NRXN1: variants seen among roughly 807,000 people sequenced by gnomAD.
The protein encoded by NRXN1 is neurexin 1.
Under a neutral mutation model 150.9 loss-of-function variants are expected in NRXN1, and 39 were observed. The ratio of observed to expected loss-of-function variants is 0.26; its 90% CI spans 0.20 to 0.34. NRXN1 has a LOEUF of 0.34. NRXN1 is among the 10% of genes least tolerant of loss of function. The probability of loss-of-function intolerance (pLI) is 1.00; values close to 1 mark genes in which losing one functional copy is unlikely to be tolerated. For synonymous variants in NRXN1, 924 were observed against 757.0 expected, an observed-to-expected ratio of 1.22 and a Z score of -3.62; for missense variants, 1,815 against 1,949.9, an observed-to-expected ratio of 0.93 and a Z score of 1.30.
At chr2:50,429,136 T>C (rs1310621976) in intron 17 of NRXN1, among the ~76,000 whole-genome samples, 5 of 152,190 alleles carry the variant, frequency 3.3e-5, no homozygotes, top group African/African-American at 1.2e-4. Context: ...GTCATAATAA[T>C]GGGAATAATA....
At position 50,348,963 on chromosome 2, in the gene NRXN1, T is replaced by A. The variant is rs542754498; in HGVS notation, c.3365-111993A>T. On this transcript the variant is annotated intron_variant, in intron 17 of 22. Coordinates refer to ENST00000401669, the MANE Select transcript of NRXN1 (RefSeq NM_001330078.2). ...AACAAATATAAAGTCCAGTATTTTT[T>A]AAAAAATGTAATTCTGGGAAGATTT... Among the ~76,000 whole-genome samples the A allele has an allele frequency of 1.7e-3, 261 of 152,266 alleles. 3 individuals carry two copies. Among genetic ancestry groups the A allele is most frequent in the African/African-American group, 5.9e-3 (244 of 41,548 alleles).
At chr2:50,643,647 T>A (rs972972423) in intron 5 of NRXN1, among the ~76,000 whole-genome samples, 2 of 151,954 alleles carry the variant, frequency 1.3e-5, no homozygotes, top group Non-Finnish European at 2.9e-5. Context: ...CCGATACTGT[T>A]AAGTATTGTA....
intron 2 of NRXN1, among the ~76,000 whole-genome samples, chr2:50,982,553 T>C (rs1289798155): frequency 6.6e-6 from 1 of 152,068 alleles, no homozygotes. Context: ...TAGGGAGTAA[T>C]GAACAATGAT....
rs1327625261 is a variant in NRXN1, at chr2:50,538,482, A to T, written c.1914T>A (p.Tyr638Ter). 6.2e-7 allele frequency: 1 copy of T among 1,613,832 alleles called. No individual in the cohort carries two copies. Among genetic ancestry groups the T allele is most frequent in the East Asian group, 2.2e-5 (1 of 44,860 alleles). Residue 638 changes from tyrosine to a stop codon, truncating the protein, a stop_gained, in exon 10 of 23, where the codon TAT becomes TAA. Coordinates refer to ENST00000401669, the MANE Select transcript of NRXN1 (RefSeq NM_001330078.2). LOFTEE classifies it high-confidence loss of function. ...AATCCCTGATGCAGCCCACGTAGCC[A>T]TAGTTGAGCAGAGCAGTCCACACCT... The part of the protein sequence containing the change: ...PTEVWTALLN[Y>*]GYVGCIRDLF...
In NRXN1 at chr2:51,000,518, A is replaced by G. The variant is rs561745000; in HGVS notation, c.772+26984T>C. Among the ~76,000 whole-genome samples the G allele has an allele frequency of 4.8e-5, 7 of 147,354 alleles. No individual in the cohort carries two copies. The East Asian group carries it at 1.4e-3, about 30-fold the overall frequency. Reference sequence around the variant, plus strand: ...GATTATTTCATTTGATTCTTATATGAAATTGCTAATATTATTACTATTACC... The same window carrying G: ...GATTATTTCATTTGATTCTTATATGGAATTGCTAATATTATTACTATTACC... On this transcript the variant is annotated intron_variant, in intron 2 of 22. Transcript: ENST00000401669.
intron 18 of NRXN1, among the ~76,000 whole-genome samples, chr2:50,136,734 T>C (rs1157234287): frequency 1.3e-5 from 2 of 152,210 alleles, no homozygotes; most frequent in Non-Finnish European, 2.9e-5. Context: ...ACTAATACTG[T>C]TTTTACTAAC....
At chr2:49,983,120 C>T (rs1306587510) in intron 21 of NRXN1, among the ~76,000 whole-genome samples, 1 of 152,120 alleles carries the variant, frequency 6.6e-6, no homozygotes, top group East Asian at 1.9e-4. Flanking sequence ...GTCATTATTT[C>T]CATTGTGTTT....
chr2:50,412,790 A>G (rs766793776), intron 17 of NRXN1, among the ~76,000 whole-genome samples: 44 of 152,180 alleles, frequency 2.9e-4, no homozygotes, highest in South Asian at 2.1e-4. Context: ...ACAATGATAC[A>G]ATGATCTTAT....
intron 17 of NRXN1, among the ~76,000 whole-genome samples, chr2:50,286,676 A>G (rs1042709599): frequency 6.6e-6 from 1 of 152,144 alleles, no homozygotes. Context: ...AAAACTAGAA[A>G]AATCTCTGAC....
chr2:50,561,845 C>A (rs1669132047), intron 8 of NRXN1, among the ~76,000 whole-genome samples: 1 of 152,136 alleles, frequency 6.6e-6, no homozygotes, highest in Non-Finnish European at 1.5e-5. Flanking sequence ...AATAAACTTG[C>A]AATGTTCACT....
At chr2:50,757,339 T>A (rs1335605733) in intron 5 of NRXN1, among the ~76,000 whole-genome samples, 2 of 150,668 alleles carry the variant, frequency 1.3e-5, no homozygotes, top group Admixed American at 1.3e-4. Flanking sequence ...AAACAAAGAG[T>A]GCAGGAGGAA....
intron 5 of NRXN1, among the ~76,000 whole-genome samples, chr2:50,867,237 G>A (rs1424006681): frequency 6.6e-6 from 1 of 151,756 alleles, no homozygotes; most frequent in Non-Finnish European, 1.5e-5. Flanking sequence ...TGTAGTGACA[G>A]GGCAAAAACA....
intron 18 of NRXN1, among the ~76,000 whole-genome samples, chr2:50,100,422 TC>T (rs750956316): frequency 7.2e-5 from 11 of 152,024 alleles, no homozygotes; most frequent in Non-Finnish European, 1.5e-4. Flanking sequence ...AAATAAAAAA[TC>T]AAAACAATGT....
At chr2:50,049,939 A>C (rs1488081692) in intron 21 of NRXN1, among the ~76,000 whole-genome samples, 2 of 152,206 alleles carry the variant, frequency 1.3e-5, no homozygotes, top group East Asian at 1.9e-4. Context: ...CCTTATGGAA[A>C]CATTTAAAAA....
chr2:50,313,524 T>C (rs1044082021), intron 17 of NRXN1, among the ~76,000 whole-genome samples: 8 of 152,076 alleles, frequency 5.3e-5, no homozygotes, highest in Admixed American at 5.2e-4. Context: ...CTATGGGTGC[T>C]AGCAAGCATT....
At chr2:50,445,369 T>C (rs113263625) in intron 17 of NRXN1, among the ~76,000 whole-genome samples, 6 of 152,198 alleles carry the variant, frequency 3.9e-5, no homozygotes. Flanking sequence ...CAAATGTAGA[T>C]AGTCAATAGC....
chr2:50,644,916 A>G (rs938791474), intron 5 of NRXN1, among the ~76,000 whole-genome samples: 3 of 147,452 alleles, frequency 2.0e-5, no homozygotes, highest in African/African-American at 8.0e-5. Flanking sequence ...TCTTATATAC[A>G]TATTTCTTTT....
intron 5 of NRXN1, among the ~76,000 whole-genome samples, chr2:50,848,100 G>A (rs1482340706): frequency 6.6e-6 from 1 of 152,066 alleles, no homozygotes; most frequent in Non-Finnish European, 1.5e-5. Flanking sequence ...TGTAACACAC[G>A]CCCACTGGGG....
In NRXN1 at chr2:50,821,617, G is replaced by A. The variant is rs897354486; in HGVS notation, c.832+100252C>T. ...ATAGGTTAAGTGTCTTGTGAAAGAT[G>A]AGAACAGCTGGGAGAGTCTAGAGAG... On this transcript the variant is annotated intron_variant, in intron 5 of 22. Transcript: ENST00000401669. 8.5e-5 allele frequency among the ~76,000 whole-genome samples: 13 copies of A among 152,184 alleles called. No homozygotes were observed. The East Asian group carries it at 9.6e-4, about 11-fold the overall frequency.
Sources: allele counts gnomAD v4.1 joint callset (sites outside exome capture counted in the v4.1 genomes callset), GRCh38; gene constraint gnomAD v4.1.1; transcripts MANE v1.5; gene names NCBI Gene and HGNC (gene_info 2026-07-23, HGNC 2026-07-21).